The following RPAP1 variants were observed in gnomAD, a reference collection of about 807,000 sequenced individuals.
RPAP1 encodes RNA polymerase II associated protein 1, also known as RNA polymerase II-associated protein 1.
RPAP1 carries 109 observed loss-of-function variants against 142.4 expected under a neutral mutation model. The observed-to-expected ratio is 0.77, with a 90% confidence interval of 0.66 to 0.90. RPAP1 has a LOEUF of 0.90. Ranked by LOEUF, RPAP1 falls within the 40% of genes least tolerant of loss-of-function variation. The pLI is 0.00. For missense variants in RPAP1, 1,546 were observed against 1,751.7 expected (o/e 0.88, Z 2.10); for synonymous variants, 704 against 738.9 (o/e 0.95, Z 0.77).
intron 23 of RPAP1, 66 bp from the exon 24 acceptor site, chr15:41,517,923 A>C: frequency 6.2e-7 from 1 of 1,613,182 alleles, no homozygotes; most frequent in South Asian, 1.1e-5. Context: ...GCCTTGCTTG[A>C]CACTTACCTC....
intron 15 of RPAP1, 42 bp downstream of exon 15, chr15:41,524,949 C>T: frequency 1.2e-6 from 2 of 1,602,590 alleles, no homozygotes; most frequent in Non-Finnish European, 1.7e-6. Flanking sequence ...AAGAGCAGAA[C>T]TGAAGGTGTC....
At chr15:41,523,036 A>G in intron 18 of RPAP1, 76 bp from the exon 19 acceptor site, 3 of 1,281,582 alleles carry the variant, frequency 2.3e-6, no homozygotes, top group Non-Finnish European at 3.2e-6. Flanking sequence ...CTGGGTCTGT[A>G]CCTAAGACTA....
chr15:41,521,756 AATACACAG>A lies in RPAP1; in HGVS notation c.3012_3019del (p.Cys1005ProfsTer20). 6.2e-7 allele frequency: 1 copy of A among 1,614,198 alleles called. No homozygotes were observed. The highest frequency in any genetic ancestry group is 8.5e-7 in the Non-Finnish European group (1 of 1,180,034). Reference sequence around the variant, plus strand: ...CACTTACGGGAGGAACTCCAGCCGGAATACACAGCTCAGCAGCAGCTCATGGGTGAGGT... The same window carrying A: ...CACTTACGGGAGGAACTCCAGCCGGACTCAGCAGCAGCTCATGGGTGAGGT... On this transcript the variant is annotated frameshift_variant, in exon 21 of 25. Transcript: ENST00000304330. LOFTEE classifies it high-confidence loss of function.
rs769913346 is a variant in RPAP1, at chr15:41,537,165, G to A, written c.-40C>T. Reference sequence around the variant, plus strand: ...TGCCTCCCCAGTACGACTCTCTCCAGCAGTGTCTCCGTGTGGGGGTTCCCT... The same window carrying A: ...TGCCTCCCCAGTACGACTCTCTCCAACAGTGTCTCCGTGTGGGGGTTCCCT... On this transcript the variant is annotated 5_prime_UTR_variant, in exon 2 of 25. Transcript: ENST00000304330. 9.2e-5 allele frequency: 147 copies of A among 1,591,524 alleles called. No homozygotes were observed. The highest frequency in any genetic ancestry group is 1.2e-4 in the Non-Finnish European group (135 of 1,167,422).
rs574609032 is a variant in RPAP1 at position 41,522,618 on chromosome 15, G to A, written c.2742+147C>T. 739 of 672,038 alleles carry A rather than the reference G, an allele frequency of 1.1e-3. 1 individual carries two copies. The highest frequency in any genetic ancestry group is 1.9e-3 in the Middle Eastern group (5 of 2,584). 41.6% of individuals were successfully genotyped at this position (672,038 alleles called of 1,614,324 possible). A position where few individuals can be genotyped will look rare whatever the true frequency, so the allele number is the denominator to read the frequency against. On this transcript the variant is annotated intron_variant, in intron 19 of 24. Coordinates refer to ENST00000304330, the MANE Select transcript of RPAP1 (RefSeq NM_015540.4). ...TTGGCCAGGCTGGTCTCGAACTCCC[G>A]ACCTCAGGTGATCTGCCCACCTCGG...
intron 19 of RPAP1, 183 bp downstream of exon 19, chr15:41,522,582 G>A (rs563903937): frequency 3.5e-6 from 2 of 577,936 alleles, no homozygotes; most frequent in South Asian, 4.8e-5. Flanking sequence ...TAGAGATGGG[G>A]TTTCTCCATG....
chr15:41,532,731 A>G (rs2051865108), intron 6 of RPAP1, among the ~76,000 whole-genome samples: 1 of 152,078 alleles, frequency 6.6e-6, no homozygotes, highest in Admixed American at 6.6e-5. Context: ...AAATCGCAGC[A>G]CTTCAGCAGG....
chr15:41,527,659 C>T (rs1176729704), intron 11 of RPAP1, 54 bp from the exon 12 acceptor site: 1 of 1,549,600 alleles, frequency 6.5e-7, no homozygotes, highest in African/African-American at 1.4e-5. Context: ...GGAAATGGAT[C>T]CAGGAGTAGA....
chr15:41,541,915 C>G (rs1407293347), intron 1 of RPAP1, among the ~76,000 whole-genome samples: 1 of 152,136 alleles, frequency 6.6e-6, no homozygotes, highest in Non-Finnish European at 1.5e-5. Context: ...AGGATCAGAT[C>G]TAATAACTAA....
rs2051777211 is a variant in RPAP1 at position 41,525,109 on chromosome 15, T to C, written c.1957A>G (p.Ile653Val). The C allele has an allele frequency of 1.2e-6, 2 of 1,613,710 alleles. No individual in the cohort carries two copies. Among genetic ancestry groups the C allele is most frequent in the African/African-American group, 1.3e-5 (1 of 74,912 alleles). ...GCCAGTTCTTGGGGAGCCTCAGCTA[T>C]GATGCGGCACAGGCGGCTCCGGAGA... ...FDLRSRLCRI[I>V]AEAPQELALP... is the part of the protein sequence containing the mutation. Residue 653 changes from isoleucine (I) to valine (V), a missense_variant, in exon 15 of 25, where the codon ATA becomes GTA. Physicochemically the swap from Ile to Val is conservative, Grantham distance 29. Transcript: ENST00000304330.
chr15:41,535,793 G>C (rs745859411), intron 4 of RPAP1, among the ~76,000 whole-genome samples, 161 bp from the exon 5 acceptor site: 1 of 152,198 alleles, frequency 6.6e-6, no homozygotes, highest in Non-Finnish European at 1.5e-5. Context: ...GTCTATAAGA[G>C]TAAAGGTCTT....
Position 41,520,968 on chromosome 15 carries a change from G to T in RPAP1, c.3218C>A (p.Ser1073Tyr). The T allele has an allele frequency of 6.2e-7, 1 of 1,610,018 alleles. No homozygotes were observed. The highest frequency in any genetic ancestry group is 8.5e-7 in the Non-Finnish European group (1 of 1,177,936). Residue 1073 changes from serine to tyrosine, a missense_variant, in exon 22 of 25, where the codon TCC becomes TAC. This residue lies in a region of RPAP1 where 1,333 missense variants were observed against 1,486.6 expected (regional missense o/e 0.90). Coordinates refer to ENST00000304330, the MANE Select transcript of RPAP1 (RefSeq NM_015540.4). ...TAGCTCCCCTCGGTGCAGAGCCTGG[G>T]AGGCCAGCAGACTGGCTCGGGCTGG... ...CSPARASLLA[S>Y]QALHRGELQR...
Position 41,521,147 on chromosome 15 carries a change from C to A in RPAP1, c.3039G>T (p.Pro1013=), listed in dbSNP as rs189142401. The A allele has an allele frequency of 6.0e-6, 9 of 1,510,974 alleles. No individual in the cohort carries two copies. The East Asian group carries it at 2.1e-4, about 35-fold the overall frequency. 93.6% of individuals were successfully genotyped at this position (1,510,974 alleles called of 1,614,324 possible). A position where few individuals can be genotyped will look rare whatever the true frequency, so the allele number is the denominator to read the frequency against. Residue 1013 remains proline, a splice_region_variant and synonymous_variant, in exon 22 of 25, where the codon CCG becomes CCT. Coordinates refer to ENST00000304330, the MANE Select transcript of RPAP1 (RefSeq NM_015540.4). ...LSCVFRLEFL[P]ERTSGGPEAA... ...CCTCTGGACCCCCTGATGTTCTTTC[C>A]CTGTAATGGGACCCAAAAGCCAAAA...
At chr15:41,539,618 C>T (rs2051950944) in intron 1 of RPAP1, among the ~76,000 whole-genome samples, 1 of 151,608 alleles carries the variant, frequency 6.6e-6, no homozygotes, top group African/African-American at 2.4e-5. Flanking sequence ...TTTACAGAGA[C>T]AGGATTTCAC....
chr15:41,529,406 C>A, intron 9 of RPAP1, 64 bp downstream of exon 9: 1 of 1,091,322 alleles, frequency 9.2e-7, no homozygotes, highest in East Asian at 2.5e-5. Flanking sequence ...GGCAGTTGAC[C>A]AGAGATCCTT....
rs376218258 is a variant in RPAP1 at position 41,535,635 on chromosome 15, G to A, written c.421-3C>T. The A allele has an allele frequency of 1.4e-5, 22 of 1,609,092 alleles. No homozygotes were observed. In the African/African-American group the frequency reaches 2.4e-4, roughly 18 times the overall value. ...TTACCAGATGTTGCTGATTTCCCCT[G>A]TGGGGCAAAAAGAAAACCCAGGTTA... On this transcript the variant is annotated splice_polypyrimidine_tract_variant and splice_region_variant and intron_variant, in intron 4 of 24. Coordinates refer to ENST00000304330, the MANE Select transcript of RPAP1 (RefSeq NM_015540.4).
Position 41,537,021 on chromosome 15 carries a change from T to C in RPAP1, c.105A>G (p.Lys35=), listed in dbSNP as rs750127785. The C allele has an allele frequency of 1.3e-5, 21 of 1,613,988 alleles. No homozygotes were observed. Among genetic ancestry groups the C allele is most frequent in the Non-Finnish European group, 1.7e-5 (20 of 1,180,016 alleles). Residue 35 remains lysine (K), a synonymous_variant, in exon 2 of 25, where the codon AAA becomes AAG. Transcript: ENST00000304330. ...TGGCATCACCACCGCCCCTATTTCC[T>C]TTCTTCACCAACTGCACTGCTGGGG... The part of the protein sequence containing the change: ...GAAPAVQLVK[K]GNRGGGDANS...
intron 14 of RPAP1, among the ~76,000 whole-genome samples, chr15:41,525,899 C>T (rs563017362): frequency 4.7e-4 from 71 of 151,898 alleles, no homozygotes; most frequent in African/African-American, 1.7e-3. Context: ...CATGATCCAC[C>T]TGCCTTGGCC....
rs771019605 is a variant in RPAP1, at chr15:41,534,729, A to C, written c.748T>G (p.Leu250Val). The change falls in exon 6 of 25, where the codon TTG (leucine) becomes GTG (valine). Residue 250 changes from leucine (L) to valine (V), a missense_variant. Physicochemically the swap from Leu to Val is conservative, Grantham distance 32. Transcript: ENST00000304330. ...PEEILQEQQR[L>V]LAQLDPSLVA... Reference sequence around the variant, plus strand: ...GCACCCATACCAAGCTGGGCCAGCAACCGCTGCTGTTCCTGCAGGATCTCC... The same window carrying C: ...GCACCCATACCAAGCTGGGCCAGCACCCGCTGCTGTTCCTGCAGGATCTCC... 59 of 1,613,750 alleles carry C rather than the reference A, an allele frequency of 3.7e-5. No individual in the cohort carries two copies. The highest frequency in any genetic ancestry group is 4.6e-5 in the Non-Finnish European group (54 of 1,179,954).
Sources: allele counts gnomAD v4.1 joint callset (sites outside exome capture counted in the v4.1 genomes callset), GRCh38; gene constraint gnomAD v4.1.1; regional missense constraint gnomAD v4.1.1; transcripts MANE v1.5; gene names NCBI Gene and HGNC (gene_info 2026-07-23, HGNC 2026-07-21).